Variants in CALCRL observed in about 807,000 individuals in gnomAD.
CALCRL encodes the protein calcitonin gene-related peptide type 1 receptor.
In CALCRL, 27 loss-of-function variants were observed where a neutral mutation model predicts 60.4. The observed-to-expected ratio is 0.45, with a 90% CI of 0.33 to 0.62. CALCRL has a LOEUF of 0.62. Ranked by LOEUF, CALCRL falls within the 20% of genes least tolerant of loss-of-function variation. The pLI, the probability that CALCRL is intolerant of heterozygous loss-of-function variation, is 0.03. For missense variants in CALCRL, 424 were observed against 540.7 expected, an observed-to-expected ratio of 0.78 and a Z score of 2.14; for synonymous variants, 190 against 182.6, an observed-to-expected ratio of 1.04 and a Z score of -0.33.
At chr2:187,406,719 A>C (rs1689147360) in intron 1 of CALCRL, among the ~76,000 whole-genome samples, 1 of 152,066 alleles carries the variant, frequency 6.6e-6, no homozygotes, top group African/African-American at 2.4e-5. Context: ...TTTGCTGTGT[A>C]CATATGAGAA....
intron 1 of CALCRL, among the ~76,000 whole-genome samples, chr2:187,399,719 A>G (rs965477649): frequency 4.0e-5 from 6 of 151,608 alleles, no homozygotes; most frequent in African/African-American, 1.2e-4. Context: ...CCATCAGCAG[A>G]TGAATGGATA....
intron 1 of CALCRL, among the ~76,000 whole-genome samples, chr2:187,436,214 C>T (rs1184232247): frequency 6.6e-6 from 1 of 152,082 alleles, no homozygotes; most frequent in African/African-American, 2.4e-5. Context: ...CCTATTCATA[C>T]AACATCCAAA....
intron 14 of CALCRL, among the ~76,000 whole-genome samples, chr2:187,348,493 A>C (rs1237061257): frequency 7.9e-5 from 12 of 151,662 alleles, no homozygotes; most frequent in Admixed American, 7.9e-4. Context: ...GTAATATCTT[A>C]GCTGTGAGTC....
intron 1 of CALCRL, among the ~76,000 whole-genome samples, chr2:187,397,551 T>C (rs1238223338): frequency 6.6e-6 from 1 of 151,744 alleles, no homozygotes; most frequent in Non-Finnish European, 1.5e-5. Context: ...TTGTTTTTTA[T>C]TTGTATAAAT....
At chr2:187,438,397 A>T (rs1690741548) in intron 1 of CALCRL, among the ~76,000 whole-genome samples, 3 of 152,212 alleles carry the variant, frequency 2.0e-5, no homozygotes, top group Admixed American at 1.3e-4. Context: ...ATCAACACTG[A>T]AAAGCTTAAT....
chr2:187,403,223 G>C (rs767103562), intron 1 of CALCRL, among the ~76,000 whole-genome samples: 1 of 151,900 alleles, frequency 6.6e-6, no homozygotes, highest in Non-Finnish European at 1.5e-5. Flanking sequence ...CGTGTATAAG[G>C]ATGTGAGAGC....
Position 187,387,731 on chromosome 2 carries a change from A to G in CALCRL, c.-267T>C. ...GATCATATTTGACATTGTCTTTAAG[A>G]ATTTCTTAAATTCAGGGGTCAAGAC... On this transcript the variant is annotated 5_prime_UTR_variant, in exon 2 of 15. Transcript: ENST00000392370. 2.5e-6 allele frequency: 1 copy of G among 397,080 alleles called. No individual in the cohort carries two copies. Among genetic ancestry groups the G allele is most frequent in the Non-Finnish European group, 4.4e-6 (1 of 225,124 alleles). 24.6% of individuals were successfully genotyped at this position (397,080 alleles called of 1,614,324 possible).
chr2:187,447,466 T>C (rs1178125869), intron 1 of CALCRL, among the ~76,000 whole-genome samples: 3 of 151,708 alleles, frequency 2.0e-5, no homozygotes, highest in African/African-American at 7.3e-5. Flanking sequence ...CTGGCAACAA[T>C]GAACACAAAA....
intron 8 of CALCRL, among the ~76,000 whole-genome samples, chr2:187,364,383 A>C (rs1687188745): frequency 6.6e-6 from 1 of 152,104 alleles, no homozygotes; most frequent in South Asian, 2.1e-4. Context: ...GAACCTGAAT[A>C]CTTAATGTCA....
At chr2:187,374,853 A>AACAC (rs548451260) in intron 8 of CALCRL, among the ~76,000 whole-genome samples, 1 of 151,680 alleles carries the variant, frequency 6.6e-6, no homozygotes, top group Non-Finnish European at 1.5e-5. Context: ...ACCCACTGTA[A>AACAC]ACACACACAC....
chr2:187,443,163 T>C (rs1183225321), intron 1 of CALCRL, among the ~76,000 whole-genome samples: 2 of 151,832 alleles, frequency 1.3e-5, no homozygotes, highest in Non-Finnish European at 3.0e-5. Context: ...GGATGGTCAC[T>C]GTAACAACTG....
intron 1 of CALCRL, among the ~76,000 whole-genome samples, chr2:187,433,881 A>G (rs1690509601): frequency 6.6e-6 from 1 of 152,106 alleles, no homozygotes; most frequent in African/African-American, 2.4e-5. Context: ...GAATTATGTG[A>G]AAAACACAAA....
At chr2:187,403,214 G>A (rs371881739) in intron 1 of CALCRL, among the ~76,000 whole-genome samples, 4 of 151,908 alleles carry the variant, frequency 2.6e-5, no homozygotes, top group Non-Finnish European at 5.9e-5. Flanking sequence ...AAAAGGTTTC[G>A]TGTATAAGGA....
chr2:187,371,287 G>A (rs1178632680), intron 8 of CALCRL, among the ~76,000 whole-genome samples: 3 of 151,652 alleles, frequency 2.0e-5, no homozygotes, highest in African/African-American at 7.3e-5. Context: ...TAAAGCCTGG[G>A]ATACAGACCG....
intron 1 of CALCRL, among the ~76,000 whole-genome samples, chr2:187,444,014 G>A (rs7595610): frequency 0.011 from 1,605 of 151,544 alleles, 23 homozygotes; most frequent in African/African-American, 0.037. Flanking sequence ...GTGTGCTCAC[G>A]AATATGCTAT....
At chr2:187,403,351 G>C (rs776776369) in intron 1 of CALCRL, among the ~76,000 whole-genome samples, 5 of 151,824 alleles carry the variant, frequency 3.3e-5, no homozygotes, top group Non-Finnish European at 5.9e-5. Context: ...GGAAATACCT[G>C]AGTGCAGTTC....
chr2:187,360,902 G>T, intron 9 of CALCRL, 151 bp from the exon 10 acceptor site: 1 of 604,280 alleles, frequency 1.7e-6, no homozygotes, highest in Non-Finnish European at 2.6e-6. Flanking sequence ...GCCAGTCTTC[G>T]TATTCATGTA....
At chr2:187,436,434 C>T (rs1374467162) in intron 1 of CALCRL, among the ~76,000 whole-genome samples, 1 of 152,148 alleles carries the variant, frequency 6.6e-6, no homozygotes, top group East Asian at 1.9e-4. Flanking sequence ...GATTTTATGA[C>T]CCCTCCACTT....
intron 1 of CALCRL, among the ~76,000 whole-genome samples, chr2:187,400,629 T>G (rs892595276): frequency 1.3e-5 from 2 of 151,452 alleles, no homozygotes; most frequent in African/African-American, 4.8e-5. Context: ...ACAGCTCAAA[T>G]ATTCATCAAT....
Sources: allele counts gnomAD v4.1 joint callset (sites outside exome capture counted in the v4.1 genomes callset), GRCh38; gene constraint gnomAD v4.1.1; transcripts MANE v1.5; gene names NCBI Gene and HGNC (gene_info 2026-07-23, HGNC 2026-07-21).